Variants in CACNA2D3 observed in about 807,000 individuals in gnomAD.
CACNA2D3 encodes the protein calcium voltage-gated channel auxiliary subunit alpha2delta 3.
Under a neutral mutation model 160.6 loss-of-function variants are expected in CACNA2D3, and 60 were observed. That is an observed-to-expected ratio of 0.37 (90% CI 0.30 to 0.46). CACNA2D3 has a LOEUF of 0.46. Among genes scored for constraint, CACNA2D3 ranks in the 20% least tolerant of loss-of-function variants. The pLI, the probability that CACNA2D3 is intolerant of heterozygous loss-of-function variation, is 1.00. For synonymous variants in CACNA2D3, 558 were observed against 492.9 expected (o/e 1.13, Z -1.75); for missense variants, 1,205 against 1,365.0 (o/e 0.88, Z 1.85).
chr3:54,332,698 A>G (rs1036859354), intron 3 of CACNA2D3, among the ~76,000 whole-genome samples: 2 of 152,020 alleles, frequency 1.3e-5, no homozygotes, highest in African/African-American at 4.8e-5. Flanking sequence ...TAGAGGTGCA[A>G]TTTTTGTGTC....
chr3:54,166,776 T>A (rs1015596603), intron 2 of CACNA2D3, among the ~76,000 whole-genome samples: 13 of 152,188 alleles, frequency 8.5e-5, no homozygotes, highest in African/African-American at 3.1e-4. Flanking sequence ...TTATGAGACT[T>A]CCATGACAAT....
intron 2 of CACNA2D3, among the ~76,000 whole-genome samples, chr3:54,205,228 G>A (rs1004142150): frequency 6.6e-6 from 1 of 152,152 alleles, no homozygotes; most frequent in Non-Finnish European, 1.5e-5. Context: ...AGATGGGGAG[G>A]ACTCACCTAG....
Position 54,944,426 on chromosome 3 carries a change from ATTTATTTATTTT to A in CACNA2D3, c.2450-24023_2450-24012del, listed in dbSNP as rs1391916890. Among the ~76,000 whole-genome samples the A allele has an allele frequency of 2.0e-5, 3 of 150,728 alleles. No individual in the cohort carries two copies. In the East Asian group the frequency reaches 5.8e-4, roughly 29 times the overall value. ...TATTTATTTATTTATTTATTTATTTATTTATTTATTTTGAGACGGAATCTCGCTCTGTCGCCC... is the reference window on the plus strand; with the variant it reads ...TATTTATTTATTTATTTATTTATTTAGAGACGGAATCTCGCTCTGTCGCCC... On this transcript the variant is annotated intron_variant, in intron 27 of 37. Transcript: ENST00000474759.
chr3:54,599,031 C>T (rs868865150), intron 9 of CACNA2D3, among the ~76,000 whole-genome samples: 97 of 152,156 alleles, frequency 6.4e-4, no homozygotes, highest in African/African-American at 2.2e-3. Flanking sequence ...AAAGAAAATG[C>T]AACTAGCAAG....
At chr3:54,915,529 G>A (rs1384995917) in intron 27 of CACNA2D3, among the ~76,000 whole-genome samples, 1 of 152,168 alleles carries the variant, frequency 6.6e-6, no homozygotes, top group Non-Finnish European at 1.5e-5. Context: ...GCAATAAACA[G>A]CTGAAAATAA....
intron 27 of CACNA2D3, among the ~76,000 whole-genome samples, chr3:54,934,114 G>A (rs1161381697): frequency 1.3e-5 from 2 of 152,142 alleles, no homozygotes; most frequent in Non-Finnish European, 2.9e-5. Flanking sequence ...AAACAGGGAC[G>A]GAGAAGGTAA....
At chr3:54,860,011 C>CACACACACAA (rs1359915675) in intron 17 of CACNA2D3, among the ~76,000 whole-genome samples, 1 of 151,526 alleles carries the variant, frequency 6.6e-6, no homozygotes, top group Non-Finnish European at 1.5e-5. Flanking sequence ...CACACACACA[C>CACACACACAA]ACAAACACAC....
chr3:54,766,271 T>C (rs1702222436), intron 13 of CACNA2D3, among the ~76,000 whole-genome samples: 1 of 152,140 alleles, frequency 6.6e-6, no homozygotes. Flanking sequence ...AAAGAACTTT[T>C]TAAAATTGAG....
At chr3:54,956,800 T>G (rs563094170) in intron 27 of CACNA2D3, among the ~76,000 whole-genome samples, 10 of 152,332 alleles carry the variant, frequency 6.6e-5, no homozygotes, top group African/African-American at 2.4e-4. Flanking sequence ...CTAGAGTGTT[T>G]AGGTAGCAAA....
At chr3:54,390,784 A>G (rs1466247248) in intron 4 of CACNA2D3, among the ~76,000 whole-genome samples, 1 of 152,192 alleles carries the variant, frequency 6.6e-6, no homozygotes, top group Non-Finnish European at 1.5e-5. Flanking sequence ...CTGAGGTGGC[A>G]GGTCTGTGTA....
At chr3:54,657,938 A>T (rs2106875453) in intron 11 of CACNA2D3, among the ~76,000 whole-genome samples, 1 of 152,292 alleles carries the variant, frequency 6.6e-6, no homozygotes, top group East Asian at 1.9e-4. Context: ...CTCAAGCGGG[A>T]GACTGGGAGG....
intron 3 of CACNA2D3, among the ~76,000 whole-genome samples, chr3:54,371,866 G>GA (rs1417744856): frequency 6.6e-6 from 1 of 152,182 alleles, no homozygotes; most frequent in Non-Finnish European, 1.5e-5. Context: ...ATGTTTGGTG[G>GA]AAAAACGTGG....
At chr3:54,890,609 C>T (rs1033387360) in intron 24 of CACNA2D3, among the ~76,000 whole-genome samples, 6 of 151,962 alleles carry the variant, frequency 3.9e-5, no homozygotes, top group East Asian at 1.9e-4. Flanking sequence ...CTAAAGAACA[C>T]GCTCAAGCAT....
intron 4 of CACNA2D3, among the ~76,000 whole-genome samples, chr3:54,410,601 T>C (rs1454008702): frequency 6.6e-6 from 1 of 152,188 alleles, no homozygotes; most frequent in Non-Finnish European, 1.5e-5. Context: ...TTACTGAATA[T>C]TTTAAGCCTA....
chr3:54,208,573 C>G (rs1701314182), intron 2 of CACNA2D3, among the ~76,000 whole-genome samples: 1 of 152,144 alleles, frequency 6.6e-6, no homozygotes. Context: ...CTAGGGAGGC[C>G]TAGTCCCTGT....
At chr3:55,004,133 C>A (rs148941776) in intron 31 of CACNA2D3, among the ~76,000 whole-genome samples, 3 of 152,146 alleles carry the variant, frequency 2.0e-5, no homozygotes, top group Non-Finnish European at 4.4e-5. Context: ...ATACTTTTAT[C>A]GCCAGTGTAG....
intron 27 of CACNA2D3, among the ~76,000 whole-genome samples, chr3:54,957,840 A>C (rs1412722853): frequency 6.6e-6 from 1 of 152,160 alleles, no homozygotes; most frequent in East Asian, 1.9e-4. Flanking sequence ...GCATCCCAGC[A>C]ACTTCCCCTG....
intron 13 of CACNA2D3, among the ~76,000 whole-genome samples, chr3:54,798,499 G>A (rs111539096): frequency 3.3e-5 from 5 of 152,224 alleles, no homozygotes; most frequent in South Asian, 2.1e-4. Flanking sequence ...TCATGCCACT[G>A]CACTCCAGCC....
chr3:54,188,228 AAAACAAAC>A (rs138439909), intron 2 of CACNA2D3, among the ~76,000 whole-genome samples: 5,617 of 150,324 alleles, frequency 0.037, 287 homozygotes, highest in East Asian at 0.17. Context: ...GGAGAACTTA[AAAACAAAC>A]AAACAAACAA....
Sources: allele counts gnomAD v4.1 joint callset (sites outside exome capture counted in the v4.1 genomes callset), GRCh38; gene constraint gnomAD v4.1.1; transcripts MANE v1.5; gene names NCBI Gene and HGNC (gene_info 2026-07-23, HGNC 2026-07-21).